Variants in WRNIP1 observed in about 807,000 individuals in gnomAD.
WRNIP1 encodes ATPase WRNIP1.
Under a neutral mutation model 56.1 loss-of-function variants are expected in WRNIP1, and 41 were observed. The ratio of observed to expected loss-of-function variants is 0.73; its 90% CI spans 0.57 to 0.95. The LOEUF is 0.95. WRNIP1 is among the 40% of genes least tolerant of loss of function. WRNIP1 has a pLI of 0.00. For missense variants in WRNIP1, 1,170 were observed against 939.4 expected (o/e 1.25, Z -3.21); for synonymous variants, 547 against 398.1 (o/e 1.37, Z -4.45).
chr6:2,768,304 G>A (rs960570534), intron 1 of WRNIP1, among the ~76,000 whole-genome samples: 1 of 152,114 alleles, frequency 6.6e-6, no homozygotes, highest in African/African-American at 2.4e-5. Flanking sequence ...AGATCCTTCC[G>A]TGCTGTCTCG....
chr6:2,785,247 A>T lies in WRNIP1; in HGVS notation c.1963A>T (p.Arg655Trp), dbSNP rs748686446. The T allele has an allele frequency of 6.2e-7, 1 of 1,614,018 alleles. No homozygotes were observed. The highest frequency in any genetic ancestry group is 8.5e-7 in the Non-Finnish European group (1 of 1,179,988). The change falls in exon 7 of 7, where the codon AGG becomes TGG. Residue 655 changes from arginine (R) to tryptophan (W), a missense_variant. Arg to Trp is a moderately radical substitution (Grantham distance 101). Transcript: ENST00000380773. ...VDQEYLPEEL[R>W]GVDFFKQRRC ...TCAGGAGTACCTGCCTGAAGAGTTGAGGGGGGTAGATTTCTTCAAGCAGAG... is the reference window on the plus strand; with the variant it reads ...TCAGGAGTACCTGCCTGAAGAGTTGTGGGGGGTAGATTTCTTCAAGCAGAG...
chr6:2,766,443 A>G lies in WRNIP1; in HGVS notation c.821A>G (p.Lys274Arg), dbSNP rs770601643. ...CTGTGGGGGCCGCCGGGCTGCGGCA[A>G]GGTGAGTGCGGCCTTGGCCGTTGGG... The part of the protein sequence containing the change: ...LILWGPPGCG[K>R]TTLAHIIASN... Residue 274 changes from lysine to arginine, a missense_variant and splice_region_variant, in exon 1 of 7, where the codon AAG (lysine) becomes AGG (arginine). By Grantham distance (26) the Lys-to-Arg change is conservative (BLOSUM62 2). Transcript: ENST00000380773. The G allele has an allele frequency of 3.9e-6, 6 of 1,550,412 alleles. No individual in the cohort carries two copies. The highest frequency in any genetic ancestry group is 1.2e-5 in the South Asian group (1 of 83,878).
In WRNIP1 at chr6:2,766,195, G is replaced by T; in HGVS notation, c.573G>T (p.Ala191=). Residue 191 remains alanine, a synonymous_variant, in exon 1 of 7, where the codon GCG becomes GCT. Transcript: ENST00000380773. ...AGGACGACCCGGGGCACTGGGACGCGGACGCTGCCGAAGCCGCCACCGCCT... is the reference window on the plus strand; with the variant it reads ...AGGACGACCCGGGGCACTGGGACGCTGACGCTGCCGAAGCCGCCACCGCCT... ...DGEDDPGHWD[A]DAAEAATAFG... is the part of the protein sequence containing the mutation. 1 of 1,402,268 alleles carries T rather than the reference G, an allele frequency of 7.1e-7. No homozygotes were observed. Among genetic ancestry groups the T allele is most frequent in the Non-Finnish European group, 9.3e-7 (1 of 1,078,770 alleles). The allele number at this position is 1,402,268 out of a possible 1,614,324, so 86.9% of individuals were successfully genotyped here.
intron 3 of WRNIP1, among the ~76,000 whole-genome samples, chr6:2,774,675 A>C (rs962174666): frequency 2.6e-5 from 4 of 152,198 alleles, no homozygotes; most frequent in Non-Finnish European, 5.9e-5. Context: ...TATTCAACCC[A>C]CTACAGACCC....
At chr6:2,766,663 G>T (rs950521330) in intron 1 of WRNIP1, among the ~76,000 whole-genome samples, 1 of 152,224 alleles carries the variant, frequency 6.6e-6, no homozygotes, top group Non-Finnish European at 1.5e-5. Flanking sequence ...AGGCAGGCTT[G>T]CCGGGTTTGC....
intron 3 of WRNIP1, among the ~76,000 whole-genome samples, 192 bp downstream of exon 3, chr6:2,770,553 A>G (rs555939937): frequency 6.6e-6 from 1 of 152,348 alleles, no homozygotes; most frequent in Admixed American, 6.5e-5. Flanking sequence ...GCACACTTGA[A>G]GATGCATTTT....
chr6:2,771,682 A>G (rs899118125), intron 3 of WRNIP1, among the ~76,000 whole-genome samples: 1 of 152,236 alleles, frequency 6.6e-6, no homozygotes, highest in Admixed American at 6.5e-5. Flanking sequence ...TCTGGTAAGT[A>G]TATAATGCAA....
At chr6:2,774,085 C>T (rs1765376902) in intron 3 of WRNIP1, 1 of 985,268 alleles carries the variant, frequency 1.0e-6, no homozygotes, top group African/African-American at 1.7e-5. Flanking sequence ...GGTAGTGGAA[C>T]TCCAGAATAC....
chr6:2,782,851 G>A (rs1765595824), intron 4 of WRNIP1, among the ~76,000 whole-genome samples: 1 of 152,172 alleles, frequency 6.6e-6, no homozygotes, highest in African/African-American at 2.4e-5. Flanking sequence ...CGGTCCTTCT[G>A]GGACCCTGCC....
intron 3 of WRNIP1, among the ~76,000 whole-genome samples, chr6:2,771,678 A>G (rs192086053): frequency 2.6e-5 from 4 of 152,358 alleles, no homozygotes; most frequent in Admixed American, 1.3e-4. Flanking sequence ...CTCATCTGGT[A>G]AGTATATAAT....
At position 2,784,330 on chromosome 6, in the gene WRNIP1, C is replaced by T; in HGVS notation, c.1649C>T (p.Ala550Val). ...TTGTCTCTGTGTGTGGCAGGTCTGGCAGACCCGTCTGCGTTAACACAAGCG... is the reference window on the plus strand; with the variant it reads ...TTGTCTCTGTGTGTGGCAGGTCTGGTAGACCCGTCTGCGTTAACACAAGCG... ...VRFASEDIGL[A>V]DPSALTQAVA... The change falls in exon 6 of 7, where the codon GCA becomes GTA. Residue 550 changes from alanine to valine, a missense_variant. Ala to Val is a moderately conservative substitution (Grantham distance 64, BLOSUM62 0). Coordinates refer to ENST00000380773, the MANE Select transcript of WRNIP1 (RefSeq NM_020135.3). 2.5e-6 allele frequency: 4 copies of T among 1,613,346 alleles called. No individual in the cohort carries two copies. The highest frequency in any genetic ancestry group is 3.4e-6 in the Non-Finnish European group (4 of 1,179,412).
chr6:2,765,905 G>A lies in WRNIP1; in HGVS notation c.283G>A (p.Glu95Lys). The A allele has an allele frequency of 1.4e-6, 2 of 1,454,240 alleles. No individual in the cohort carries two copies. The highest frequency in any genetic ancestry group is 9.1e-7 in the Non-Finnish European group (1 of 1,104,388). 90.1% of individuals were successfully genotyped at this position (1,454,240 alleles called of 1,614,324 possible). Reference protein sequence around the residue: ...TPTAAESSEGEGEEGDDGGET... With the variant: ...TPTAAESSEGKGEEGDDGGET... Reference sequence around the variant, plus strand: ...GACGGCAGCCGAGAGCAGCGAGGGCGAGGGTGAGGAGGGCGACGACGGCGG... The same window carrying A: ...GACGGCAGCCGAGAGCAGCGAGGGCAAGGGTGAGGAGGGCGACGACGGCGG... Residue 95 changes from glutamate to lysine, a missense_variant, in exon 1 of 7, where the codon GAG becomes AAG. Physicochemically the swap from Glu to Lys is moderately conservative, Grantham distance 56. Transcript: ENST00000380773.
Position 2,784,339 on chromosome 6 carries a change from C to T in WRNIP1, c.1658C>T (p.Ser553Phe). 1 of 1,613,818 alleles carries T rather than the reference C, an allele frequency of 6.2e-7. No individual in the cohort carries two copies. ...ASEDIGLADPSALTQAVAAYQ... is the reference protein window; with the variant it reads ...ASEDIGLADPFALTQAVAAYQ... ...TGTGTGGCAGGTCTGGCAGACCCGT[C>T]TGCGTTAACACAAGCGGTTGCTGCC... The change falls in exon 6 of 7, where the codon TCT becomes TTT. Residue 553 changes from serine to phenylalanine, a missense_variant. By Grantham distance (155) the Ser-to-Phe change is radical (BLOSUM62 -2). Coordinates refer to ENST00000380773, the MANE Select transcript of WRNIP1 (RefSeq NM_020135.3).
chr6:2,766,258 G>A lies in WRNIP1; in HGVS notation c.636G>A (p.Ala212=), dbSNP rs1161817265. The change falls in exon 1 of 7, where the codon GCG becomes GCA. Residue 212 remains alanine, a synonymous_variant. Coordinates refer to ENST00000380773, the MANE Select transcript of WRNIP1 (RefSeq NM_020135.3). ...ASGGGRPHPR[A]LAAEEIRQML... is the part of the protein sequence containing the mutation. Reference sequence around the variant, plus strand: ...GCGGGGGCCGCCCGCACCCCCGGGCGCTGGCTGCCGAGGAGATCCGACAGA... The same window carrying A: ...GCGGGGGCCGCCCGCACCCCCGGGCACTGGCTGCCGAGGAGATCCGACAGA... 4.6e-6 allele frequency: 7 copies of A among 1,528,644 alleles called. No individual in the cohort carries two copies. In the Admixed American group the frequency reaches 8.0e-5, roughly 17 times the overall value. 94.7% of individuals were successfully genotyped at this position (1,528,644 alleles called of 1,614,324 possible).
At chr6:2,780,904 C>T (rs942062765) in intron 4 of WRNIP1, among the ~76,000 whole-genome samples, 6 of 152,326 alleles carry the variant, frequency 3.9e-5, no homozygotes, top group Admixed American at 6.5e-5. Flanking sequence ...CACTAACACT[C>T]AGCCATTGAG....
intron 3 of WRNIP1, among the ~76,000 whole-genome samples, chr6:2,774,804 C>T (rs1352196510): frequency 1.3e-5 from 2 of 152,218 alleles, no homozygotes; most frequent in African/African-American, 4.8e-5. Flanking sequence ...TTTTGCTTTG[C>T]TTTCACTCTG....
At chr6:2,775,230 C>CT (rs75329391) in intron 3 of WRNIP1, among the ~76,000 whole-genome samples, 16,764 of 152,262 alleles carry the variant, frequency 0.11, 1,286 homozygotes, top group East Asian at 0.32. Context: ...ACTTTTCTCT[C>CT]TTGGCACTTC....
intron 3 of WRNIP1, among the ~76,000 whole-genome samples, chr6:2,772,079 C>T (rs1368970533): frequency 3.9e-5 from 6 of 152,156 alleles, no homozygotes; most frequent in African/African-American, 1.4e-4. Context: ...TCCCCAGTCA[C>T]TGCCGTGCAG....
chr6:2,777,133 C>G (rs1460844204), intron 3 of WRNIP1, among the ~76,000 whole-genome samples: 14 of 152,096 alleles, frequency 9.2e-5, no homozygotes, highest in Admixed American at 9.2e-4. Context: ...ATTTTTATCT[C>G]TCAGTGCTGG....
Sources: gnomAD v4.1 joint callset for allele counts (sites outside exome capture counted in the v4.1 genomes callset) on GRCh38, gnomAD v4.1.1 for gene constraint, MANE v1.5 for transcripts, NCBI Gene and HGNC (gene_info 2026-07-23, HGNC 2026-07-21) for gene names.